The following KANK1 variants were observed in gnomAD, a reference collection of about 807,000 sequenced individuals.
KANK1 encodes the protein KN motif and ankyrin repeat domain-containing protein 1.
Under a neutral mutation model 106.2 loss-of-function variants are expected in KANK1, and 109 were observed. That is an observed-to-expected ratio of 1.03 (90% CI 0.88 to 1.20). KANK1 has a LOEUF of 1.20. Among genes scored for constraint, KANK1 ranks in the 50% most tolerant of loss-of-function variants. The pLI is 0.00. For missense variants in KANK1, 2,399 were observed against 1,710.7 expected (o/e 1.40, Z -7.10); for synonymous variants, 873 against 652.2 (o/e 1.34, Z -5.16).
At chr9:702,198 C>G (rs942549114) in intron 2 of KANK1, among the ~76,000 whole-genome samples, 1 of 147,400 alleles carries the variant, frequency 6.8e-6, no homozygotes, top group African/African-American at 2.5e-5. Context: ...GAAATGGACT[C>G]TGTGACCCTT....
intron 1 of KANK1, among the ~76,000 whole-genome samples, chr9:545,936 C>G (rs543437023): frequency 4.5e-4 from 69 of 151,890 alleles, no homozygotes; most frequent in Admixed American, 2.2e-3. Context: ...TTAGTAGAGA[C>G]AGGGTTTTGC....
At chr9:496,739 T>G (rs954066014) in intron 3 of KANK1, among the ~76,000 whole-genome samples, 2 of 152,190 alleles carry the variant, frequency 1.3e-5, no homozygotes, top group Non-Finnish European at 2.9e-5. Flanking sequence ...GGATTATTCT[T>G]ATTTTTGTCC....
intron 1 of KANK1, among the ~76,000 whole-genome samples, chr9:664,802 A>T (rs1844194752): frequency 6.6e-6 from 1 of 152,176 alleles, no homozygotes; most frequent in Admixed American, 6.5e-5. Flanking sequence ...ACAATGTGTG[A>T]GGATTTTTCT....
rs190865002 is a variant in KANK1, at chr9:559,579, T to C, written c.-84+54825T>C. On this transcript the variant is annotated intron_variant, in intron 1 of 11. Transcript: ENST00000382297. ...GCTGTATAAACCTTAAACCTCTAAA[T>C]TGTAAAATGTAAGTGCATAATAATT... Among the ~76,000 whole-genome samples the C allele has an allele frequency of 9.2e-5, 14 of 152,310 alleles. 1 individual carries two copies. The highest frequency in any genetic ancestry group is 4.6e-4 in the Admixed American group (7 of 15,300).
intron 1 of KANK1, among the ~76,000 whole-genome samples, chr9:519,701 G>C (rs1455998259): frequency 6.6e-6 from 1 of 151,672 alleles, no homozygotes; most frequent in East Asian, 1.9e-4. Context: ...CTCGATCCTT[G>C]TTTTATCCTC....
At chr9:587,607 G>C (rs919566516) in intron 1 of KANK1, among the ~76,000 whole-genome samples, 1 of 152,192 alleles carries the variant, frequency 6.6e-6, no homozygotes, top group Non-Finnish European at 1.5e-5. Context: ...TTTAGAATAT[G>C]TGCATGTGTT....
intron 1 of KANK1, among the ~76,000 whole-genome samples, chr9:628,910 C>G (rs144326908): frequency 6.7e-6 from 1 of 149,434 alleles, no homozygotes; most frequent in Non-Finnish European, 1.5e-5. Context: ...GAAACCCCAT[C>G]TCTACTAAAA....
At chr9:607,261 G>A (rs915428321) in intron 1 of KANK1, among the ~76,000 whole-genome samples, 1 of 151,806 alleles carries the variant, frequency 6.6e-6, no homozygotes, top group African/African-American at 2.4e-5. Flanking sequence ...CAAGGCGGGT[G>A]GATCACTTGA....
chr9:701,088 G>C (rs1158854084), intron 2 of KANK1, among the ~76,000 whole-genome samples: 1 of 152,036 alleles, frequency 6.6e-6, no homozygotes, highest in African/African-American at 2.4e-5. Context: ...TAGTGTTATT[G>C]GCCCCAATAG....
At chr9:505,271 C>T (rs570102345) in intron 1 of KANK1, among the ~76,000 whole-genome samples, 5 of 152,254 alleles carry the variant, frequency 3.3e-5, no homozygotes, top group African/African-American at 1.2e-4. Flanking sequence ...CCTTTATCCT[C>T]GGCCCCAGAG....
At chr9:742,434 C>G (rs1008484128) in intron 10 of KANK1, 29 bp downstream of exon 10, 3 of 1,581,884 alleles carry the variant, frequency 1.9e-6, no homozygotes, top group Non-Finnish European at 2.6e-6. Flanking sequence ...GCCTCCTGGC[C>G]AGGGGTCTGG....
chr9:547,726 G>A (rs1325612833), intron 1 of KANK1, among the ~76,000 whole-genome samples: 1 of 143,004 alleles, frequency 7.0e-6, no homozygotes. Flanking sequence ...TAAACGGTAT[G>A]AGCATGCTTT....
rs766281374 is a variant in KANK1, at chr9:732,498, C to T, written c.3126C>T (p.Asp1042=). ...LEEEEEEEDE[D]TRGMAEGHHA... is the part of the protein sequence containing the mutation. ...AAGAGGAGGAGGAGGAGGATGAAGA[C>T]ACTCGGGGAATGGCAGAAGGGCACC... Residue 1042 remains aspartate (D), a synonymous_variant, in exon 6 of 12, where the codon GAC becomes GAT. Coordinates refer to ENST00000382297, the MANE Select transcript of KANK1 (RefSeq NM_015158.5). 6.2e-7 allele frequency: 1 copy of T among 1,614,062 alleles called. No individual in the cohort carries two copies. Among genetic ancestry groups the T allele is most frequent in the Non-Finnish European group, 8.5e-7 (1 of 1,180,022 alleles).
intron 3 of KANK1, among the ~76,000 whole-genome samples, chr9:722,409 A>T (rs897317229): frequency 6.6e-6 from 1 of 152,044 alleles, no homozygotes; most frequent in African/African-American, 2.4e-5. Context: ...TACATTTTTT[A>T]AAGTCTCACC....
At chr9:478,645 C>T (rs984394866) in intron 3 of KANK1, among the ~76,000 whole-genome samples, 1 of 152,192 alleles carries the variant, frequency 6.6e-6, no homozygotes, top group African/African-American at 2.4e-5. Flanking sequence ...CCCCAATATA[C>T]CAAGAAACCA....
chr9:616,819 A>C (rs567051180), intron 1 of KANK1, among the ~76,000 whole-genome samples: 1 of 152,214 alleles, frequency 6.6e-6, no homozygotes, highest in South Asian at 2.1e-4. Flanking sequence ...AGAGGAAGGA[A>C]AGAAAGCAAG....
chr9:576,024 A>G (rs1000686619), intron 1 of KANK1, among the ~76,000 whole-genome samples: 2 of 152,252 alleles, frequency 1.3e-5, no homozygotes, highest in African/African-American at 4.8e-5. Flanking sequence ...CTGCATCTCA[A>G]AACAAAAAAC....
At chr9:521,257 C>A (rs2059536155) in intron 1 of KANK1, among the ~76,000 whole-genome samples, 2 of 151,630 alleles carry the variant, frequency 1.3e-5, no homozygotes, top group South Asian at 4.2e-4. Flanking sequence ...GGGATCTTGG[C>A]CATTTCTGCA....
In KANK1 at chr9:738,464, C is replaced by G. The variant is rs1473970019; in HGVS notation, c.3513C>G (p.Ser1171=). ...NGNTALHYSV[S]HSNFEIVKLL... is the part of the protein sequence containing the mutation. ...ACACAGCCCTCCATTACAGCGTGTC[C>G]CACTCCAACTTCGAGATTGTGAAGC... The change falls in exon 8 of 12, where the codon TCC becomes TCG. Residue 1171 remains serine, a synonymous_variant. Coordinates refer to ENST00000382297, the MANE Select transcript of KANK1 (RefSeq NM_015158.5). 6.2e-7 allele frequency: 1 copy of G among 1,614,018 alleles called. No individual in the cohort carries two copies. The highest frequency in any genetic ancestry group is 8.5e-7 in the Non-Finnish European group (1 of 1,180,008).
Sources: gnomAD v4.1 joint callset for allele counts (sites outside exome capture counted in the v4.1 genomes callset) on GRCh38, gnomAD v4.1.1 for gene constraint, MANE v1.5 for transcripts, NCBI Gene and HGNC (gene_info 2026-07-23, HGNC 2026-07-21) for gene names.